GATAD1: variants seen among roughly 807,000 people sequenced by gnomAD.
GATAD1 encodes the protein GATA zinc finger domain-containing protein 1.
GATAD1 carries 12 observed loss-of-function variants against 26.5 expected under a neutral mutation model. The observed-to-expected ratio is 0.45, with a 90% confidence interval of 0.29 to 0.73. The LOEUF (loss-of-function observed/expected upper bound fraction) is 0.73, where lower values mean the gene tolerates loss of function less well. Ranked by LOEUF, GATAD1 falls within the 30% of genes least tolerant of loss-of-function variation. GATAD1 has a pLI of 0.10. For missense variants in GATAD1, 266 were observed against 342.1 expected (o/e 0.78, Z 1.75); for synonymous variants, 129 against 133.1 (o/e 0.97, Z 0.21).
At chr7:92,455,408 T>C (rs1260317519) in intron 4 of GATAD1, among the ~76,000 whole-genome samples, 1 of 152,184 alleles carries the variant, frequency 6.6e-6, no homozygotes, top group African/African-American at 2.4e-5. Context: ...ATCCCAGTTA[T>C]CCCATACTTG....
chr7:92,470,058 G>T, the GATAD1 span: 3 of 778,692 alleles, frequency 3.9e-6, no homozygotes. Flanking sequence ...TTTGGGTGAA[G>T]TAAGTCCAAC....
In GATAD1 at chr7:92,447,585, C is replaced by T. The variant is rs1789203282; in HGVS notation, c.-145C>T. The T allele has an allele frequency of 8.9e-7, 1 of 1,121,438 alleles. No homozygotes were observed. The highest frequency in any genetic ancestry group is 1.2e-6 in the Non-Finnish European group (1 of 865,712). 69.5% of individuals were successfully genotyped at this position (1,121,438 alleles called of 1,614,324 possible). Reference sequence around the variant, plus strand: ...CGCCTCCACGGGGCAGCGCCAGCGGCCTGGTCCTTTCACCGGCAGCTCCGT... The same window carrying T: ...CGCCTCCACGGGGCAGCGCCAGCGGTCTGGTCCTTTCACCGGCAGCTCCGT... On this transcript the variant is annotated 5_prime_UTR_variant, in exon 1 of 5. Coordinates refer to ENST00000287957, the MANE Select transcript of GATAD1 (RefSeq NM_021167.5).
chr7:92,494,206 C>T, the GATAD1 span: 5 of 963,580 alleles, frequency 5.2e-6, no homozygotes, highest in Non-Finnish European at 8.3e-6. Flanking sequence ...CTTCTAAGGA[C>T]AATTGCCATT....
At position 92,459,110 on chromosome 7, in the gene GATAD1, A is replaced by C. The variant is rs1037788719; in HGVS notation, c.*2548A>C. On this transcript the variant is annotated 3_prime_UTR_variant, in exon 5 of 5. Coordinates refer to ENST00000287957, the MANE Select transcript of GATAD1 (RefSeq NM_021167.5). ...GTGGCGTGCGCCTATAATCCCAGCTAGTCTACTCGGGAGGCTGAGGCAGGA... is the reference window on the plus strand; with the variant it reads ...GTGGCGTGCGCCTATAATCCCAGCTCGTCTACTCGGGAGGCTGAGGCAGGA... 1 of 151,980 alleles carries C rather than the reference A, an allele frequency of 6.6e-6. No homozygotes were observed. Among genetic ancestry groups the C allele is most frequent in the African/African-American group, 2.4e-5 (1 of 41,340 alleles). 9.4% of individuals were successfully genotyped at this position (151,980 alleles called of 1,614,324 possible). A position where few individuals can be genotyped will look rare whatever the true frequency, so the allele number is the denominator to read the frequency against.
At chr7:92,493,979 TG>T in the GATAD1 span, 1 of 304,650 alleles carries the variant, frequency 3.3e-6, no homozygotes, top group Non-Finnish European at 6.3e-6. Flanking sequence ...GTTTTTTTTT[TG>T]ACAGGATAAT....
intron 2 of GATAD1, 157 bp downstream of exon 2, chr7:92,449,034 G>C: frequency 2.9e-6 from 3 of 1,025,442 alleles, no homozygotes; most frequent in Non-Finnish European, 4.2e-6. Flanking sequence ...AATGAGCTCT[G>C]TTGCAGGAGG....
rs1245980632 is a variant in GATAD1 at position 92,456,427 on chromosome 7, A to G, written c.675A>G (p.Ala225=). 3.1e-6 allele frequency: 5 copies of G among 1,613,232 alleles called. No homozygotes were observed. The highest frequency in any genetic ancestry group is 2.2e-5 in the South Asian group (2 of 91,034). The part of the protein sequence containing the change: ...KMEYLEFVCH[A]PSEYFKSRSS... ...AATACTTGGAATTTGTTTGTCATGC[A>G]CCTTCTGAGTATTTCAAGTCACGGT... Residue 225 remains alanine (A), a synonymous_variant, in exon 5 of 5, where the codon GCA becomes GCG. Transcript: ENST00000287957.
chr7:92,484,198 G>C, the GATAD1 span, among the ~76,000 whole-genome samples: 1 of 152,128 alleles, frequency 6.6e-6, no homozygotes, highest in African/African-American at 2.4e-5. Context: ...AGAAAATAAG[G>C]CATTTAGGTT....
chr7:92,465,446 C>T, the GATAD1 span, among the ~76,000 whole-genome samples: 1 of 151,868 alleles, frequency 6.6e-6, no homozygotes, highest in African/African-American at 2.4e-5. Context: ...GGTGAAACCC[C>T]ATCTCTACTA....
At chr7:92,461,888 G>C (rs1361637016), downstream of GATAD1, among the ~76,000 whole-genome samples, 1 of 152,132 alleles carries the variant, frequency 6.6e-6, no homozygotes, top group East Asian at 1.9e-4. Flanking sequence ...GCCATATGCT[G>C]TTGGGTCACA....
chr7:92,450,618 T>C (rs1789385238), intron 2 of GATAD1, 83 bp from the exon 3 acceptor site: 3 of 807,532 alleles, frequency 3.7e-6, no homozygotes, highest in African/African-American at 1.7e-5. Context: ...ACTTCTCAAA[T>C]TGCAGAACTC....
the GATAD1 span, chr7:92,470,402 A>G: frequency 3.0e-6 from 2 of 675,650 alleles, no homozygotes; most frequent in Non-Finnish European, 2.7e-6. Flanking sequence ...GATTTTAGTT[A>G]CTTTCCTCCT....
chr7:92,455,118 G>GA (rs1199121138), intron 4 of GATAD1, among the ~76,000 whole-genome samples: 1 of 150,678 alleles, frequency 6.6e-6, no homozygotes. Flanking sequence ...GGCGGGGGGG[G>GA]ATGCAATTCA....
the GATAD1 span, among the ~76,000 whole-genome samples, chr7:92,480,009 C>T: frequency 6.6e-6 from 1 of 152,066 alleles, no homozygotes; most frequent in East Asian, 1.9e-4. Context: ...TTTTTGGGCT[C>T]TATCCTCCTT....
chr7:92,475,197 C>T, the GATAD1 span: 1 of 152,166 alleles, frequency 6.6e-6, no homozygotes, highest in Non-Finnish European at 1.5e-5. Flanking sequence ...CCAGGCGGCA[C>T]TGCAGAAGAA....
chr7:92,447,888 GGGCAGC>G lies in GATAD1; in HGVS notation c.163_168del (p.Ser55_Gly56del), dbSNP rs1383022245. On this transcript the variant is annotated inframe_deletion, in exon 1 of 5. Coordinates refer to ENST00000287957, the MANE Select transcript of GATAD1 (RefSeq NM_021167.5). ...GCTCGGGGGCGGCTGGAGGGACTGGGGGCAGCGGCGGCGGCGGCTTCGGCGCGGCGA... is the reference window on the plus strand; with the variant it reads ...GCTCGGGGGCGGCTGGAGGGACTGGGGGCGGCGGCGGCTTCGGCGCGGCGA... 1 of 1,275,520 alleles carries G rather than the reference GGGCAGC, an allele frequency of 7.8e-7. No individual in the cohort carries two copies. Among genetic ancestry groups the G allele is most frequent in the East Asian group, 3.2e-5 (1 of 31,380 alleles). 79.0% of individuals were successfully genotyped at this position (1,275,520 alleles called of 1,614,324 possible).
chr7:92,466,434 T>G, the GATAD1 span, among the ~76,000 whole-genome samples: 1 of 152,156 alleles, frequency 6.6e-6, no homozygotes, highest in Non-Finnish European at 1.5e-5. Context: ...GGGTTGTGAT[T>G]ACAGGCATAA....
the GATAD1 span, among the ~76,000 whole-genome samples, chr7:92,495,751 T>C: frequency 6.6e-6 from 1 of 152,120 alleles, no homozygotes; most frequent in African/African-American, 2.4e-5. Context: ...AAAAAATAAA[T>C]CTTGGCTTTG....
the GATAD1 span, among the ~76,000 whole-genome samples, chr7:92,483,746 G>T: frequency 1.3e-5 from 2 of 152,230 alleles, no homozygotes; most frequent in East Asian, 1.9e-4. Flanking sequence ...TGGGCAGATG[G>T]GGGAGGGCTA....
Sources: allele counts gnomAD v4.1 joint callset (sites outside exome capture counted in the v4.1 genomes callset), GRCh38; gene constraint gnomAD v4.1.1; transcripts MANE v1.5; gene names NCBI Gene and HGNC (gene_info 2026-07-23, HGNC 2026-07-21).